Variants in CYFIP1 observed in about 807,000 individuals in gnomAD.
CYFIP1 encodes the protein cytoplasmic FMR1 interacting protein 1.
CYFIP1 carries 58 observed loss-of-function variants against 163.5 expected under a neutral mutation model. The observed-to-expected ratio is 0.35, with a 90% confidence interval of 0.29 to 0.44. The LOEUF is 0.44. Ranked by LOEUF, CYFIP1 falls within the 20% of genes least tolerant of loss-of-function variation. The probability of loss-of-function intolerance (pLI) is 1.00; values close to 1 mark genes in which losing one functional copy is unlikely to be tolerated. For missense variants in CYFIP1, 1,338 were observed against 1,653.8 expected, an observed-to-expected ratio of 0.81 and a Z score of 3.31; for synonymous variants, 663 against 660.7, an observed-to-expected ratio of 1.00 and a Z score of -0.05.
chr15:22,937,081 T>G (rs755449129), intron 9 of CYFIP1, 23 bp downstream of exon 9: 30 of 1,473,466 alleles, frequency 2.0e-5, no homozygotes, highest in Non-Finnish European at 2.9e-5. Flanking sequence ...ATAAAAACAT[T>G]GATCTAAAAA....
At chr15:22,886,590 C>G (rs1221921016) in intron 23 of CYFIP1, among the ~76,000 whole-genome samples, 1 of 152,024 alleles carries the variant, frequency 6.6e-6, no homozygotes, top group African/African-American at 2.4e-5. Flanking sequence ...TAGAGATTTT[C>G]TGGTTATCTT....
intron 1 of CYFIP1, among the ~76,000 whole-genome samples, chr15:22,961,062 C>G (rs1269273330): frequency 6.6e-6 from 1 of 151,704 alleles, no homozygotes; most frequent in African/African-American, 2.4e-5. Flanking sequence ...TCACTGTCAC[C>G]CAGGCTGGAG....
intron 25 of CYFIP1, among the ~76,000 whole-genome samples, chr15:22,880,815 C>T (rs1008435735): frequency 1.3e-5 from 2 of 152,154 alleles, no homozygotes; most frequent in Admixed American, 6.5e-5. Context: ...CTCTCAGCAC[C>T]GCTGCAGGGA....
Position 22,881,847 on chromosome 15 carries a change from A to T in CYFIP1, c.2910T>A (p.Pro970=), listed in dbSNP as rs1265331010. ...CRLPRHEYGS[P]GILEFFHHQL... is the part of the protein sequence containing the mutation. ...TGAGCTCCACACGCCCGCACTCACC[A>T]GGAGAGCCGTACTCGTGCCGGGGCA... is the stretch of plus-strand genomic sequence containing the variant. The change falls in exon 25 of 31, where the codon CCT becomes CCA. Residue 970 remains proline (P), a splice_region_variant and synonymous_variant. Transcript: ENST00000617928. The T allele has an allele frequency of 6.2e-7, 1 of 1,610,248 alleles. No homozygotes were observed. Among genetic ancestry groups the T allele is most frequent in the Non-Finnish European group, 8.5e-7 (1 of 1,179,876 alleles).
At chr15:22,913,977 C>A (rs1408648338) in intron 17 of CYFIP1, among the ~76,000 whole-genome samples, 11 of 152,218 alleles carry the variant, frequency 7.2e-5, no homozygotes, top group African/African-American at 2.7e-4. Flanking sequence ...AGAAGACAGA[C>A]CGGCTGGGCG....
intron 12 of CYFIP1, among the ~76,000 whole-genome samples, chr15:22,927,634 C>A (rs1403282511): frequency 2.0e-5 from 3 of 151,904 alleles, no homozygotes; most frequent in Non-Finnish European, 2.9e-5. Context: ...CCAGCCTAAG[C>A]GACAGGGTGA....
At chr15:22,926,168 C>G in intron 12 of CYFIP1, 61 bp from the exon 13 acceptor site, 1 of 1,603,962 alleles carries the variant, frequency 6.2e-7, no homozygotes, top group Non-Finnish European at 8.5e-7. Flanking sequence ...GGCTTCTGGT[C>G]TGACTCACAC....
At chr15:22,905,763 T>G (rs2060555224) in intron 21 of CYFIP1, among the ~76,000 whole-genome samples, 1 of 151,410 alleles carries the variant, frequency 6.6e-6, no homozygotes, top group African/African-American at 2.4e-5. Context: ...CTGTTTTTTT[T>G]TTTGTTTTTG....
At chr15:22,893,041 G>A in intron 22 of CYFIP1, 64 bp from the exon 23 acceptor site, 1 of 1,227,566 alleles carries the variant, frequency 8.1e-7, no homozygotes, top group Non-Finnish European at 1.2e-6. Flanking sequence ...TTAAAATTCA[G>A]AAGTCCTCCA....
chr15:22,962,280 C>G lies in CYFIP1; in HGVS notation c.-6-14989G>C, dbSNP rs150869987. Among the ~76,000 whole-genome samples, 483 of 152,248 alleles carry G rather than the reference C, an allele frequency of 3.2e-3. 2 individuals are homozygous for G. The highest frequency in any genetic ancestry group is 0.011 in the African/African-American group (458 of 41,546). The stretch of plus-strand genomic sequence containing the variant: ...TGTCAAAGACGTGCGAACTCACTGC[C>G]CACACCGAAAGGCAGAGTCCTGCTT... On this transcript the variant is annotated intron_variant, in intron 1 of 30. Transcript: ENST00000617928.
chr15:22,889,188 T>TA (rs889882773), intron 23 of CYFIP1, among the ~76,000 whole-genome samples: 9 of 151,934 alleles, frequency 5.9e-5, no homozygotes, highest in Middle Eastern at 3.4e-3. Flanking sequence ...TAGTTGAATT[T>TA]AAAAAAAAAT....
In CYFIP1 at chr15:22,938,781, T is replaced by C. The variant is rs190532377; in HGVS notation, c.795+411A>G. Among the ~76,000 whole-genome samples, 443 of 151,908 alleles carry C rather than the reference T, an allele frequency of 2.9e-3. 6 individuals carry two copies. The highest frequency in any genetic ancestry group is 0.011 in the South Asian group (53 of 4,806). On this transcript the variant is annotated intron_variant, in intron 8 of 30. Transcript: ENST00000617928. ...AGCGAGGCATGGTGGCGTGCACCTG[T>C]AGTCCCAGCTACTTAGGAGGCTGAG... is the stretch of plus-strand genomic sequence containing the variant.
rs2060471719 is a variant in CYFIP1, at chr15:22,903,646, G to T, written c.2588+60C>A. 5 of 1,563,586 alleles carry T rather than the reference G, an allele frequency of 3.2e-6. No individual in the cohort carries two copies. In the South Asian group the frequency reaches 4.4e-5, roughly 14 times the overall value. ...GGACCTGGTGACATGGAGGAAGCCTGCGGGGACATGGGTCCCTGAGCGCCT... is the reference window on the plus strand; with the variant it reads ...GGACCTGGTGACATGGAGGAAGCCTTCGGGGACATGGGTCCCTGAGCGCCT... On this transcript the variant is annotated intron_variant, in intron 22 of 30. Coordinates refer to ENST00000617928, the MANE Select transcript of CYFIP1 (RefSeq NM_014608.6).
At chr15:22,934,177 CTTTTTTTT>C (rs1163626431) in intron 9 of CYFIP1, among the ~76,000 whole-genome samples, 17 of 66,162 alleles carry the variant, frequency 2.6e-4, no homozygotes, top group South Asian at 1.3e-3. Context: ...GCATTTCTTT[CTTTTTTTT>C]TTTTTTTTTT....
chr15:22,903,315 A>G (rs2060459294), intron 22 of CYFIP1, among the ~76,000 whole-genome samples: 1 of 152,036 alleles, frequency 6.6e-6, no homozygotes, highest in African/African-American at 2.4e-5. Context: ...ACCTCAGGAT[A>G]CTGCCAGCAT....
intron 11 of CYFIP1, among the ~76,000 whole-genome samples, chr15:22,931,686 G>GAAAAAAAAACAAAAAAAAAAAAAAAA (rs1311924019): frequency 2.5e-5 from 1 of 39,720 alleles, no homozygotes; most frequent in Non-Finnish European, 4.5e-5. Context: ...ATGTTTTTCT[G>GAAAAAAAAACAAAAAAAAAAAAAAAA]AAAAAAAAAA....
At chr15:22,972,372 G>A (rs1268430551) in intron 1 of CYFIP1, among the ~76,000 whole-genome samples, 1 of 152,158 alleles carries the variant, frequency 6.6e-6, no homozygotes, top group African/African-American at 2.4e-5. Context: ...GGGAGGCGGA[G>A]GTTGCAGTGA....
chr15:22,898,399 A>G (rs1440208420), intron 22 of CYFIP1, among the ~76,000 whole-genome samples: 1 of 152,130 alleles, frequency 6.6e-6, no homozygotes, highest in African/African-American at 2.4e-5. Flanking sequence ...CTGGGACTAC[A>G]GATGTGTGCC....
intron 1 of CYFIP1, among the ~76,000 whole-genome samples, chr15:22,965,396 T>C (rs963385991): frequency 1.3e-5 from 2 of 152,120 alleles, no homozygotes; most frequent in Admixed American, 6.5e-5. Context: ...AAGGCAGAGG[T>C]TGTGGTGAGC....
Sources: allele counts gnomAD v4.1 joint callset (sites outside exome capture counted in the v4.1 genomes callset), GRCh38; gene constraint gnomAD v4.1.1; transcripts MANE v1.5; gene names NCBI Gene and HGNC (gene_info 2026-07-23, HGNC 2026-07-21).